The following PLCB1 variants were observed in gnomAD, a reference collection of about 807,000 sequenced individuals.
PLCB1 encodes phospholipase C beta 1.
Under a neutral mutation model 161.8 loss-of-function variants are expected in PLCB1, and 46 were observed. The ratio of observed to expected loss-of-function variants is 0.28; its 90% CI spans 0.22 to 0.36. The LOEUF (loss-of-function observed/expected upper bound fraction) is 0.36. Ranked by LOEUF, PLCB1 falls within the 10% of genes least tolerant of loss-of-function variation. The probability of loss-of-function intolerance (pLI) is 1.00; values close to 1 mark genes in which losing one functional copy is unlikely to be tolerated. For missense variants in PLCB1, 1,016 were observed against 1,472.5 expected (o/e 0.69, Z 5.07); for synonymous variants, 517 against 503.7 (o/e 1.03, Z -0.35).
chr20:8,641,638 T>C (rs964157358), intron 4 of PLCB1, among the ~76,000 whole-genome samples: 3 of 152,240 alleles, frequency 2.0e-5, no homozygotes, highest in Admixed American at 2.0e-4. Flanking sequence ...TCTTACCTGA[T>C]TGATTGTTCA....
At chr20:8,540,893 G>A (rs1985287201) in intron 3 of PLCB1, among the ~76,000 whole-genome samples, 1 of 152,034 alleles carries the variant, frequency 6.6e-6, no homozygotes, top group Non-Finnish European at 1.5e-5. Flanking sequence ...TTAGAGCCCT[G>A]ATGCCCTGTA....
chr20:8,802,934 A>G (rs897811718), intron 31 of PLCB1, among the ~76,000 whole-genome samples: 4 of 152,190 alleles, frequency 2.6e-5, no homozygotes, highest in South Asian at 4.1e-4. Context: ...CTTAGAAAAA[A>G]GAAGCATTCT....
At chr20:8,213,351 G>A (rs968426686) in intron 2 of PLCB1, among the ~76,000 whole-genome samples, 9 of 152,120 alleles carry the variant, frequency 5.9e-5, no homozygotes, top group Non-Finnish European at 1.2e-4. Context: ...GGGTCTTCAG[G>A]GAAAAGCTCA....
chr20:8,356,290 C>G (rs576510419), intron 2 of PLCB1, among the ~76,000 whole-genome samples: 1 of 152,092 alleles, frequency 6.6e-6, no homozygotes. Context: ...CAGTGGTTCT[C>G]AAACTTAAAA....
chr20:8,529,315 A>T (rs1286360576), intron 3 of PLCB1, among the ~76,000 whole-genome samples: 1 of 151,982 alleles, frequency 6.6e-6, no homozygotes, highest in South Asian at 2.1e-4. Flanking sequence ...AGAAAAAGGC[A>T]ATTTAAATTT....
rs536356516 is a variant in PLCB1 at position 8,574,755 on chromosome 20, C to T, written c.247-53539C>T. Among the ~76,000 whole-genome samples the T allele has an allele frequency of 4.6e-5, 7 of 152,332 alleles. 1 individual carries two copies. In the South Asian group the frequency reaches 1.5e-3, roughly 32 times the overall value. On this transcript the variant is annotated intron_variant, in intron 3 of 31. Coordinates refer to ENST00000338037, the MANE Select transcript of PLCB1 (RefSeq NM_015192.4). ...GTGCAAGGGAGCTGGGATATTTATC[C>T]ACCAACTTTCTTGAGTCATTGGTTG...
chr20:8,272,034 G>T (rs1391330158), intron 2 of PLCB1, among the ~76,000 whole-genome samples: 1 of 151,978 alleles, frequency 6.6e-6, no homozygotes, highest in Non-Finnish European at 1.5e-5. Flanking sequence ...TTAGTATTAT[G>T]CATAGCATCA....
In PLCB1 at chr20:8,832,814, G is replaced by T. The variant is rs555604090; in HGVS notation, c.3423+42553G>T. Among the ~76,000 whole-genome samples, 7 of 152,242 alleles carry T rather than the reference G, an allele frequency of 4.6e-5. No homozygotes were observed. The East Asian group carries it at 9.7e-4, about 21-fold the overall frequency. ...AAACTTTACTTATTAATTTGAATTA[G>T]TTTGAGTCCTTAGGGAACCCTGCGA... is the stretch of plus-strand genomic sequence containing the variant. On this transcript the variant is annotated intron_variant, in intron 31 of 31. Transcript: ENST00000338037.
chr20:8,494,545 G>A (rs1983080100), intron 3 of PLCB1, among the ~76,000 whole-genome samples: 1 of 152,148 alleles, frequency 6.6e-6, no homozygotes, highest in Admixed American at 6.5e-5. Flanking sequence ...AAAGCTAACT[G>A]CCACAGTGAA....
chr20:8,393,125 T>C (rs1330297293), intron 3 of PLCB1, among the ~76,000 whole-genome samples: 1 of 152,164 alleles, frequency 6.6e-6, no homozygotes, highest in Non-Finnish European at 1.5e-5. Context: ...ACACACCTAA[T>C]ACATTTTCTC....
At chr20:8,238,673 T>A (rs60492457) in intron 2 of PLCB1, among the ~76,000 whole-genome samples, 2 of 151,638 alleles carry the variant, frequency 1.3e-5, no homozygotes, top group Admixed American at 6.6e-5. Flanking sequence ...TAATTGGTTT[T>A]AAAAAAAAGA....
intron 1 of PLCB1, among the ~76,000 whole-genome samples, chr20:8,148,705 A>G (rs1407322101): frequency 6.6e-6 from 1 of 152,244 alleles, no homozygotes; most frequent in Non-Finnish European, 1.5e-5. Flanking sequence ...TAAATGGAAC[A>G]TTATTCAGCT....
chr20:8,328,257 T>A (rs78745438), intron 2 of PLCB1, among the ~76,000 whole-genome samples: 6,706 of 152,200 alleles, frequency 0.044, 190 homozygotes, highest in Middle Eastern at 0.099. Flanking sequence ...GGGGTGTTTT[T>A]TTTAATATTT....
intron 31 of PLCB1, among the ~76,000 whole-genome samples, chr20:8,813,219 G>GT (rs1984917143): frequency 1.3e-5 from 2 of 152,146 alleles, no homozygotes; most frequent in Admixed American, 6.5e-5. Context: ...GCATTTTCCT[G>GT]TTTTTCTAAT....
intron 18 of PLCB1, among the ~76,000 whole-genome samples, chr20:8,730,504 G>A (rs1004615791): frequency 2.0e-5 from 3 of 151,262 alleles, no homozygotes; most frequent in Non-Finnish European, 3.0e-5. Flanking sequence ...TTTATAATAT[G>A]GATTAATACC....
Position 8,811,009 on chromosome 20 carries a change from A to T in PLCB1, c.3423+20748A>T, listed in dbSNP as rs143826795. Among the ~76,000 whole-genome samples, 289 of 152,320 alleles carry T rather than the reference A, an allele frequency of 1.9e-3. 2 individuals are homozygous for T. The highest frequency in any genetic ancestry group is 6.8e-3 in the African/African-American group (282 of 41,570). On this transcript the variant is annotated intron_variant, in intron 31 of 31. Coordinates refer to ENST00000338037, the MANE Select transcript of PLCB1 (RefSeq NM_015192.4). ...AATAAATAGTCTGGAAGGATAGAAA[A>T]AGCAAGTGAGAAACAAAAAAGGGAC...
At chr20:8,688,348 C>G (rs1990402966) in intron 10 of PLCB1, among the ~76,000 whole-genome samples, 1 of 152,086 alleles carries the variant, frequency 6.6e-6, no homozygotes, top group Middle Eastern at 3.2e-3. Context: ...TAATTAGGTC[C>G]CAGCCATGTA....
intron 3 of PLCB1, among the ~76,000 whole-genome samples, chr20:8,410,488 G>A (rs1978995929): frequency 6.6e-6 from 1 of 151,570 alleles, no homozygotes; most frequent in Non-Finnish European, 1.5e-5. Flanking sequence ...CCTAATAAAC[G>A]ATCCTTTTAT....
chr20:8,420,443 G>T (rs1210557878), intron 3 of PLCB1, among the ~76,000 whole-genome samples: 1 of 152,166 alleles, frequency 6.6e-6, no homozygotes, highest in Admixed American at 6.5e-5. Context: ...TGGATGTGTT[G>T]CATGATGGTG....
Sources: allele counts gnomAD v4.1 joint callset (sites outside exome capture counted in the v4.1 genomes callset), GRCh38; gene constraint gnomAD v4.1.1; transcripts MANE v1.5; gene names NCBI Gene and HGNC (gene_info 2026-07-23, HGNC 2026-07-21).